QKI: variants seen among roughly 807,000 people sequenced by gnomAD.
The protein encoded by QKI is QKI, KH domain containing RNA binding.
In QKI, 10 loss-of-function variants were observed where a neutral mutation model predicts 39.0. That is an observed-to-expected ratio of 0.26 (90% CI 0.16 to 0.43). QKI has a LOEUF of 0.43. QKI is among the 20% of genes least tolerant of loss of function. The probability of loss-of-function intolerance (pLI) is 1.00; values close to 1 mark genes in which losing one functional copy is unlikely to be tolerated. For synonymous variants in QKI, 204 were observed against 155.4 expected, an observed-to-expected ratio of 1.31 and a Z score of -2.33; for missense variants, 218 against 428.0, an observed-to-expected ratio of 0.51 and a Z score of 4.33.
intron 1 of QKI, among the ~76,000 whole-genome samples, chr6:163,426,241 CTCTT>C (rs1343739858): frequency 1.6e-4 from 24 of 149,808 alleles, no homozygotes; most frequent in African/African-American, 6.0e-4. Context: ...CTAGAACCAT[CTCTT>C]TTTTTTTTTT....
chr6:163,550,024 T>C (rs1333907633), intron 4 of QKI, among the ~76,000 whole-genome samples: 1 of 152,196 alleles, frequency 6.6e-6, no homozygotes, highest in Non-Finnish European at 1.5e-5. Flanking sequence ...GTCAAATCCA[T>C]TAAAAGTTCT....
At chr6:163,552,249 C>T (rs1782279372) in intron 4 of QKI, among the ~76,000 whole-genome samples, 1 of 122,326 alleles carries the variant, frequency 8.2e-6, no homozygotes, top group Non-Finnish European at 1.6e-5. Context: ...AGCTCTGTTG[C>T]CTAGGCCGGA....
At chr6:163,472,535 T>C (rs16895012) in intron 2 of QKI, among the ~76,000 whole-genome samples, 4,229 of 152,218 alleles carry the variant, frequency 0.028, 191 homozygotes, top group African/African-American at 0.096. Flanking sequence ...ACAGCAAAAA[T>C]AGAAGTAAAA....
chr6:163,474,658 T>C (rs1792450134), intron 2 of QKI, among the ~76,000 whole-genome samples: 1 of 151,896 alleles, frequency 6.6e-6, no homozygotes, highest in South Asian at 2.1e-4. Flanking sequence ...ACATGGTGTC[T>C]CCAGCCTGTA....
At chr6:163,567,147 G>A in intron 7 of QKI, 5 of 1,016,714 alleles carry the variant, frequency 4.9e-6, no homozygotes, top group Non-Finnish European at 5.9e-6. Context: ...CTGAAATTTG[G>A]GGTTGGTATT....
intron 3 of QKI, among the ~76,000 whole-genome samples, chr6:163,517,904 A>T (rs1779930427): frequency 6.6e-6 from 1 of 152,192 alleles, no homozygotes; most frequent in South Asian, 2.1e-4. Context: ...TATTTCTAGA[A>T]GGTTAAGGTA....
chr6:163,471,620 A>G (rs1198539053), intron 2 of QKI, among the ~76,000 whole-genome samples: 2 of 152,302 alleles, frequency 1.3e-5, no homozygotes, highest in African/African-American at 4.8e-5. Flanking sequence ...CATGTTGTAA[A>G]TACTAGGGTG....
In QKI at chr6:163,575,293, T is replaced by C. The variant is rs1783919952; in HGVS notation, c.*4583T>C. On this transcript the variant is annotated 3_prime_UTR_variant, in exon 8 of 8. Coordinates refer to ENST00000361752, the MANE Select transcript of QKI (RefSeq NM_006775.3). ...CTATGAATGCAGCCTCATCTCATTT[T>C]CAGTTAAGGGTACTTTATGTATAAT... is the stretch of plus-strand genomic sequence containing the variant. 1.3e-5 allele frequency: 2 copies of C among 152,242 alleles called. No homozygotes were observed. The allele number at this position is 152,242 out of a possible 1,614,324, so 9.4% of individuals were successfully genotyped here.
In QKI at chr6:163,578,559, T is replaced by A. The variant is rs1358771588; in HGVS notation, c.*7849T>A. 1 of 152,238 alleles carries A rather than the reference T, an allele frequency of 6.6e-6. No individual in the cohort carries two copies. Among genetic ancestry groups the A allele is most frequent in the Non-Finnish European group, 1.5e-5 (1 of 68,044 alleles). The allele number at this position is 152,238 out of a possible 1,614,324, so 9.4% of individuals were successfully genotyped here. A position where few individuals can be genotyped will look rare whatever the true frequency, so the allele number is the denominator to read the frequency against. On this transcript the variant is annotated 3_prime_UTR_variant, in exon 8 of 8. Transcript: ENST00000361752. ...TTTGTTCATTGCTTTCTCACTGAGGTAAAACAGCATTAAAAAGTTGTCCAG... is the reference window on the plus strand; with the variant it reads ...TTTGTTCATTGCTTTCTCACTGAGGAAAAACAGCATTAAAAAGTTGTCCAG...
chr6:163,535,381 T>C (rs1781129367), intron 4 of QKI, among the ~76,000 whole-genome samples: 1 of 152,144 alleles, frequency 6.6e-6, no homozygotes, highest in South Asian at 2.1e-4. Context: ...TTTTGTGTTA[T>C]CAGTTCTCCT....
chr6:163,463,138 A>C (rs1425303917), intron 2 of QKI, among the ~76,000 whole-genome samples: 1 of 152,212 alleles, frequency 6.6e-6, no homozygotes, highest in Non-Finnish European at 1.5e-5. Context: ...GTTTCTATAA[A>C]CTGAGTACTA....
At chr6:163,454,163 A>T (rs1212364388) in intron 1 of QKI, among the ~76,000 whole-genome samples, 2 of 152,144 alleles carry the variant, frequency 1.3e-5, no homozygotes, top group Non-Finnish European at 2.9e-5. Flanking sequence ...CATCTGGCTA[A>T]CCTTAATAAT....
intron 3 of QKI, among the ~76,000 whole-genome samples, chr6:163,522,984 A>G (rs1322258804): frequency 6.6e-6 from 1 of 152,204 alleles, no homozygotes. Flanking sequence ...CATTCCCAGG[A>G]TGAAACACCT....
At chr6:163,546,485 T>G (rs907435539) in intron 4 of QKI, among the ~76,000 whole-genome samples, 1 of 152,042 alleles carries the variant, frequency 6.6e-6, no homozygotes, top group Non-Finnish European at 1.5e-5. Flanking sequence ...TTTTGATATT[T>G]TTAAGTAAAA....
At chr6:163,421,662 CT>C (rs11316026) in intron 1 of QKI, among the ~76,000 whole-genome samples, 52,811 of 151,846 alleles carry the variant, frequency 0.35, 9,998 homozygotes, top group African/African-American at 0.48. Context: ...ACAGGTGTGT[CT>C]TTTAATTTTA....
chr6:163,459,183 G>C (rs985557214), intron 2 of QKI, among the ~76,000 whole-genome samples: 3 of 152,200 alleles, frequency 2.0e-5, no homozygotes, highest in East Asian at 3.8e-4. Context: ...GCTGCTTAGG[G>C]CATGCTCTTA....
At chr6:163,570,016 G>A in intron 7 of QKI, 1 of 986,224 alleles carries the variant, frequency 1.0e-6, no homozygotes, top group African/African-American at 1.7e-5. Context: ...CCATTTTCTG[G>A]TTCCCATGAT....
rs1783840648 is a variant in QKI at position 163,573,983 on chromosome 6, C to G, written c.*3273C>G. ...GTTTTGCACACTACTGTTAAAATGG[C>G]TTTGGTTATTCTGGTCTTTTAGCTT... is the stretch of plus-strand genomic sequence containing the variant. On this transcript the variant is annotated 3_prime_UTR_variant, in exon 8 of 8. Coordinates refer to ENST00000361752, the MANE Select transcript of QKI (RefSeq NM_006775.3). The G allele has an allele frequency of 6.8e-6, 1 of 146,600 alleles. No individual in the cohort carries two copies. The highest frequency in any genetic ancestry group is 2.6e-5 in the African/African-American group (1 of 39,132). 9.1% of individuals were successfully genotyped at this position (146,600 alleles called of 1,614,324 possible).
chr6:163,511,185 G>T (rs896446217), intron 3 of QKI, among the ~76,000 whole-genome samples: 1 of 152,080 alleles, frequency 6.6e-6, no homozygotes, highest in Non-Finnish European at 1.5e-5. Context: ...ATTTTGGACC[G>T]AGTGATTGTG....
Sources: allele counts gnomAD v4.1 joint callset (sites outside exome capture counted in the v4.1 genomes callset), GRCh38; gene constraint gnomAD v4.1.1; transcripts MANE v1.5; gene names NCBI Gene and HGNC (gene_info 2026-07-23, HGNC 2026-07-21).